NFIA: variants seen among roughly 807,000 people sequenced by gnomAD.
The protein encoded by NFIA is nuclear factor I A.
NFIA carries 8 observed loss-of-function variants against 62.8 expected under a neutral mutation model. The observed-to-expected ratio is 0.13, with a 90% CI of 0.07 to 0.23. The LOEUF (loss-of-function observed/expected upper bound fraction) is 0.23. Among genes scored for constraint, NFIA ranks in the 10% least tolerant of loss-of-function variants. NFIA has a pLI of 1.00. For missense variants in NFIA, 410 were observed against 642.1 expected (o/e 0.64, Z 3.91); for synonymous variants, 235 against 238.1 (o/e 0.99, Z 0.12).
chr1:61,087,598 T>C (rs573299053), intron 1 of NFIA, among the ~76,000 whole-genome samples: 1 of 152,256 alleles, frequency 6.6e-6, no homozygotes, highest in South Asian at 2.1e-4. Context: ...AAGAAACATA[T>C]CAGAATCTAC....
At chr1:61,110,814 CT>C (rs1225900740) in intron 2 of NFIA, among the ~76,000 whole-genome samples, 1 of 152,070 alleles carries the variant, frequency 6.6e-6, no homozygotes, top group Non-Finnish European at 1.5e-5. Flanking sequence ...CAGATTTCCA[CT>C]TCCTGCCAAG....
At chr1:61,109,999 C>T (rs921440687) in intron 2 of NFIA, among the ~76,000 whole-genome samples, 3 of 151,862 alleles carry the variant, frequency 2.0e-5, no homozygotes, top group Non-Finnish European at 4.4e-5. Flanking sequence ...CTTTAATATT[C>T]TTAAAGTGGA....
At chr1:61,431,232 A>C (rs577123007) in intron 10 of NFIA, among the ~76,000 whole-genome samples, 39 of 152,234 alleles carry the variant, frequency 2.6e-4, no homozygotes, top group African/African-American at 7.7e-4. Context: ...GTTTACTTAA[A>C]GAAAAAAAAG....
chr1:61,276,536 T>C (rs1169445508), intron 2 of NFIA, among the ~76,000 whole-genome samples: 1 of 152,206 alleles, frequency 6.6e-6, no homozygotes, highest in Non-Finnish European at 1.5e-5. Context: ...AAAAAAATTT[T>C]TGTGTTTGCT....
intron 4 of NFIA, among the ~76,000 whole-genome samples, chr1:61,348,851 A>G (rs976150469): frequency 9.9e-5 from 15 of 152,200 alleles, no homozygotes; most frequent in Admixed American, 2.0e-4. Flanking sequence ...CGCCATGCTC[A>G]GGAATGAAAC....
At chr1:61,252,481 G>A (rs1455957687) in intron 2 of NFIA, among the ~76,000 whole-genome samples, 4 of 152,308 alleles carry the variant, frequency 2.6e-5, no homozygotes, top group African/African-American at 9.6e-5. Flanking sequence ...GAAAGAATCA[G>A]TAAAGGCAAG....
chr1:61,417,836 C>A (rs576984165), intron 9 of NFIA, among the ~76,000 whole-genome samples: 2 of 152,088 alleles, frequency 1.3e-5, no homozygotes, highest in Non-Finnish European at 2.9e-5. Context: ...ATTTGCAAAG[C>A]CTCTCCATAG....
Position 61,088,786 on chromosome 1 carries a change from C to T in NFIA, c.559+106C>T, listed in dbSNP as rs1276594045. ...CCTGAGCTCCCCAAGTTGCAGGCCA[C>T]GTACATGAAGCCAGTGTGGTTTCAA... is the stretch of plus-strand genomic sequence containing the variant. On this transcript the variant is annotated intron_variant, in intron 2 of 10. Transcript: ENST00000403491. This position sits in a 1 kb window ranked among gnomAD's most constrained non-coding sequence, Gnocchi z 4.5. 22 of 1,296,430 alleles carry T rather than the reference C, an allele frequency of 1.7e-5. No individual in the cohort carries two copies. Among genetic ancestry groups the T allele is most frequent in the Admixed American group, 1.3e-4 (6 of 44,660 alleles). The allele number at this position is 1,296,430 out of a possible 1,614,324, so 80.3% of individuals were successfully genotyped here.
intron 2 of NFIA, among the ~76,000 whole-genome samples, chr1:61,153,465 C>G (rs1648569369): frequency 6.6e-6 from 1 of 152,100 alleles, no homozygotes; most frequent in African/African-American, 2.4e-5. Context: ...ATTTTTTGTT[C>G]CATATTTGAA....
chr1:61,123,946 T>A (rs1646928809), intron 2 of NFIA, among the ~76,000 whole-genome samples: 1 of 152,254 alleles, frequency 6.6e-6, no homozygotes, highest in East Asian at 1.9e-4. Context: ...TTTTACCAGC[T>A]TTTATCAAAT....
intron 10 of NFIA, among the ~76,000 whole-genome samples, chr1:61,445,432 GAAAT>G (rs1360276227): frequency 8.6e-5 from 13 of 151,974 alleles, no homozygotes; most frequent in Non-Finnish European, 1.8e-4. Context: ...AATTTAGAAG[GAAAT>G]AAATCTGAAC....
chr1:61,375,838 A>G (rs1029825188), intron 6 of NFIA, among the ~76,000 whole-genome samples: 1 of 152,098 alleles, frequency 6.6e-6, no homozygotes, highest in Non-Finnish European at 1.5e-5. Context: ...TCTCCTGTGC[A>G]GATTCCTCCT....
chr1:61,142,682 G>A (rs1647619156), intron 2 of NFIA, among the ~76,000 whole-genome samples: 1 of 152,284 alleles, frequency 6.6e-6, no homozygotes, highest in South Asian at 2.1e-4. Flanking sequence ...GGTATAACTT[G>A]ATGCAAATAT....
intron 2 of NFIA, among the ~76,000 whole-genome samples, chr1:61,182,708 A>T (rs1042731114): frequency 3.3e-5 from 5 of 152,226 alleles, no homozygotes; most frequent in Non-Finnish European, 5.9e-5. Flanking sequence ...ACTTAAAATA[A>T]GTTCTTCTCT....
chr1:61,191,322 A>G (rs1469351377), intron 2 of NFIA, among the ~76,000 whole-genome samples: 1 of 152,162 alleles, frequency 6.6e-6, no homozygotes, highest in East Asian at 1.9e-4. Flanking sequence ...GACCAAATGA[A>G]TAGTAGTATT....
chr1:61,162,202 G>A (rs1649260671), intron 2 of NFIA, among the ~76,000 whole-genome samples: 1 of 152,120 alleles, frequency 6.6e-6, no homozygotes, highest in African/African-American at 2.4e-5. Context: ...AGCAGCCCCA[G>A]TTGGAATCAG....
At chr1:61,439,169 C>T (rs887731955) in intron 10 of NFIA, among the ~76,000 whole-genome samples, 2 of 152,128 alleles carry the variant, frequency 1.3e-5, no homozygotes, top group African/African-American at 4.8e-5. Context: ...CCCAAGCCCC[C>T]ACACTCTCCA....
At chr1:61,397,008 AAAAAAT>A (rs897710685) in intron 7 of NFIA, among the ~76,000 whole-genome samples, 2 of 151,704 alleles carry the variant, frequency 1.3e-5, no homozygotes, top group African/African-American at 4.8e-5. Flanking sequence ...TCTCCAAAAA[AAAAAAT>A]AATAATAATA....
At chr1:61,162,436 T>C (rs1649276798) in intron 2 of NFIA, among the ~76,000 whole-genome samples, 2 of 152,184 alleles carry the variant, frequency 1.3e-5, no homozygotes, top group Non-Finnish European at 2.9e-5. Context: ...GACAGAGTTA[T>C]AAATGATCTG....
Sources: gnomAD v4.1 joint callset for allele counts (sites outside exome capture counted in the v4.1 genomes callset) on GRCh38, gnomAD v4.1.1 for gene constraint, Gnocchi (gnomAD v3.1) non-coding constraint, MANE v1.5 for transcripts, NCBI Gene and HGNC (gene_info 2026-07-23, HGNC 2026-07-21) for gene names.